PIN4: variants seen among roughly 807,000 people sequenced by gnomAD.
The protein encoded by PIN4 is peptidyl-prolyl cis-trans isomerase NIMA-interacting 4.
Under a neutral mutation model 8.3 loss-of-function variants are expected in PIN4, and 3 were observed. The ratio of observed to expected loss-of-function variants is 0.36; its 90% confidence interval spans 0.16 to 0.93. The LOEUF is 0.93. Ranked by LOEUF, PIN4 falls within the 40% of genes least tolerant of loss-of-function variation. The probability of loss-of-function intolerance (pLI) is 0.44; values close to 1 mark genes in which losing one functional copy is unlikely to be tolerated. For missense variants in PIN4, 75 were observed against 100.6 expected, an observed-to-expected ratio of 0.75 and a Z score of 1.09; for synonymous variants, 18 against 32.5, an observed-to-expected ratio of 0.55 and a Z score of 1.52.
intron 2 of PIN4, among the ~76,000 whole-genome samples, chrX:72,186,979 T>C (rs1033873148): frequency 8.9e-6 from 1 of 112,054 alleles, no homozygotes; most frequent in African/African-American, 3.2e-5. Context: ...TATAGACCAG[T>C]CTTGCTTATG....
At chrX:72,252,532 G>C (rs2043091974) in intron 3 of PIN4, among the ~76,000 whole-genome samples, 1 of 110,873 alleles carries the variant, frequency 9.0e-6, no homozygotes, top group South Asian at 3.8e-4. Context: ...TGGGATTACA[G>C]GCACGCGCCA....
chrX:72,255,273 A>AAATAATAATAATAATAATAAT (rs760269851), intron 3 of PIN4, among the ~76,000 whole-genome samples: 292 of 96,373 alleles, frequency 3.0e-3, no homozygotes, highest in East Asian at 0.019. Flanking sequence ...CCATCTCTAA[A>AAATAATAATAATAATAATAAT]AATAATAATA....
chrX:72,185,153 A>AAAAAAAAAC (rs1299752209), intron 1 of PIN4, among the ~76,000 whole-genome samples: 1 of 102,996 alleles, frequency 9.7e-6, no homozygotes, highest in Non-Finnish European at 2.0e-5. Flanking sequence ...GTCTCAAAAA[A>AAAAAAAAAC]AAAAAAAAAA....
chrX:72,239,645 G>A (rs1411883960), intron 3 of PIN4, among the ~76,000 whole-genome samples: 1 of 109,728 alleles, frequency 9.1e-6, no homozygotes, highest in Non-Finnish European at 1.9e-5. Flanking sequence ...GGTGGCGGGC[G>A]CCCGCAGTCC....
chrX:72,257,979 G>A (rs1052660186), intron 3 of PIN4, among the ~76,000 whole-genome samples: 2 of 111,927 alleles, frequency 1.8e-5, no homozygotes, highest in African/African-American at 6.5e-5. Flanking sequence ...GTTGGAGGCA[G>A]CTGGGAAGGA....
At chrX:72,240,179 A>T (rs115214647) in intron 3 of PIN4, among the ~76,000 whole-genome samples, 12,074 of 110,525 alleles carry the variant, frequency 0.11, 857 homozygotes, top group East Asian at 0.48. Context: ...AAAATAATTT[A>T]AAAAAAAAGA....
At chrX:72,199,339 A>C (rs2042781301), downstream of PIN4, among the ~76,000 whole-genome samples, 1 of 111,016 alleles carries the variant, frequency 9.0e-6, no homozygotes. Flanking sequence ...ATTTAAGAAG[A>C]CCAGCCTGGC....
At chrX:72,205,395 T>C in intron 3 of PIN4, 1 of 1,212,059 alleles carries the variant, frequency 8.3e-7, no homozygotes, top group Non-Finnish European at 1.1e-6. Context: ...CTGGATAATC[T>C]TCAGGACCCT....
At chrX:72,212,279 AATAAT>A (rs2042860457) in intron 3 of PIN4, among the ~76,000 whole-genome samples, 1 of 109,137 alleles carries the variant, frequency 9.2e-6, no homozygotes, top group East Asian at 2.9e-4. Flanking sequence ...CAAAAAAAAT[AATAAT>A]AATAATAATA....
At chrX:72,192,738 T>C (rs1182481935) in intron 2 of PIN4, among the ~76,000 whole-genome samples, 1 of 110,450 alleles carries the variant, frequency 9.1e-6, no homozygotes, top group Non-Finnish European at 1.9e-5. Context: ...AGACTACAGA[T>C]GTGCACCACC....
At chrX:72,238,824 G>C in intron 3 of PIN4, 3 of 1,175,493 alleles carry the variant, frequency 2.6e-6, no homozygotes, top group Non-Finnish European at 3.4e-6. Context: ...AGCTAGACCC[G>C]CCCAGCGGTC....
At position 72,253,887 on chromosome X, in the gene PIN4, G is replaced by A. The variant is rs763811719; in HGVS notation, c.313-8820G>A. On this transcript the variant is annotated intron_variant, in intron 3 of 3. Coordinates refer to the PIN4 transcript ENST00000423432. ...TGAGGTGGGAAGATCACTTGAGCTTGGAAGGTTGAGACTTCAATGAGTCAT... is the reference window on the plus strand; with the variant it reads ...TGAGGTGGGAAGATCACTTGAGCTTAGAAGGTTGAGACTTCAATGAGTCAT... Among the ~76,000 whole-genome samples the A allele has an allele frequency of 9.1e-5, 10 of 109,997 alleles. 1 individual carries two copies. The South Asian group carries it at 3.9e-3, about 43-fold the overall frequency.
chrX:72,260,304 C>T (rs1352066807), intron 3 of PIN4, among the ~76,000 whole-genome samples: 1 of 112,233 alleles, frequency 8.9e-6, no homozygotes, highest in Non-Finnish European at 1.9e-5. Context: ...ACGTTTGAAT[C>T]AAATGTTTTC....
At chrX:72,246,520 A>G (rs2043067950) in intron 3 of PIN4, among the ~76,000 whole-genome samples, 1 of 111,617 alleles carries the variant, frequency 9.0e-6, no homozygotes, top group African/African-American at 3.3e-5. Context: ...GTTTCCCTCA[A>G]GATCAAGTCC....
At chrX:72,223,180 CAAA>C (rs1163330497) in intron 3 of PIN4, among the ~76,000 whole-genome samples, 1 of 94,612 alleles carries the variant, frequency 1.1e-5, no homozygotes, top group Non-Finnish European at 2.1e-5. Context: ...ACTAAAAATA[CAAA>C]AAAAAAATTA....
At chrX:72,183,197 G>T (rs1185145233) in intron 1 of PIN4, among the ~76,000 whole-genome samples, 1 of 111,474 alleles carries the variant, frequency 9.0e-6, no homozygotes, top group Non-Finnish European at 1.9e-5. Flanking sequence ...TACATGAGGA[G>T]CGGGGATGAG....
intron 3 of PIN4, among the ~76,000 whole-genome samples, chrX:72,248,115 G>A (rs964928787): frequency 2.7e-5 from 3 of 109,521 alleles, no homozygotes; most frequent in African/African-American, 9.9e-5. Flanking sequence ...CTTGCACGAG[G>A]TCATGCAGCA....
At chrX:72,211,512 C>A (rs1404530214) in intron 3 of PIN4, among the ~76,000 whole-genome samples, 1 of 112,066 alleles carries the variant, frequency 8.9e-6, no homozygotes, top group African/African-American at 3.2e-5. Context: ...CATCTAATCA[C>A]CTCCCACAAG....
chrX:72,238,268 A>T (rs1195015587), intron 3 of PIN4, among the ~76,000 whole-genome samples: 1 of 111,569 alleles, frequency 9.0e-6, no homozygotes, highest in Non-Finnish European at 1.9e-5. Flanking sequence ...CAACATTACC[A>T]CGCCCCCCAC....
Sources: allele counts gnomAD v4.1 joint callset (sites outside exome capture counted in the v4.1 genomes callset), GRCh38; gene constraint gnomAD v4.1.1; transcripts MANE v1.5; gene names NCBI Gene and HGNC (gene_info 2026-07-23, HGNC 2026-07-21).